The following PTPRD variants were observed in gnomAD, a reference collection of about 807,000 sequenced individuals.
PTPRD encodes protein tyrosine phosphatase receptor type D.
Under a neutral mutation model 214.5 loss-of-function variants are expected in PTPRD, and 34 were observed. The observed-to-expected ratio is 0.16, with a 90% CI of 0.12 to 0.21. PTPRD has a LOEUF of 0.21. Among genes scored for constraint, PTPRD ranks in the 10% least tolerant of loss-of-function variants. The pLI, the probability that PTPRD is intolerant of heterozygous loss-of-function variation, is 1.00. For synonymous variants in PTPRD, 1,128 were observed against 845.7 expected (o/e 1.33, Z -5.79); for missense variants, 2,545 against 2,398.7 (o/e 1.06, Z -1.27).
intron 2 of PTPRD, among the ~76,000 whole-genome samples, chr9:10,503,213 A>C (rs926590225): frequency 6.7e-6 from 1 of 149,480 alleles, no homozygotes; most frequent in African/African-American, 2.5e-5. Context: ...AAAAACAAAA[A>C]AAAACACCAT....
intron 5 of PTPRD, among the ~76,000 whole-genome samples, chr9:9,843,351 A>C (rs1308765371): frequency 6.6e-6 from 1 of 150,752 alleles, no homozygotes; most frequent in Non-Finnish European, 1.5e-5. Context: ...AATGTATCAC[A>C]TTTTTTTTTA....
At chr9:10,029,583 A>T (rs1412983824) in intron 4 of PTPRD, among the ~76,000 whole-genome samples, 1 of 152,194 alleles carries the variant, frequency 6.6e-6, no homozygotes, top group Non-Finnish European at 1.5e-5. Context: ...TTGGATTTGC[A>T]TGGGGCCTGT....
intron 3 of PTPRD, among the ~76,000 whole-genome samples, chr9:10,255,772 T>A (rs1012606818): frequency 6.6e-6 from 1 of 152,212 alleles, no homozygotes; most frequent in Non-Finnish European, 1.5e-5. Flanking sequence ...TTTTTAAATA[T>A]CCTTATTCTA....
At position 9,903,533 on chromosome 9, in the gene PTPRD, C is replaced by T. The variant is rs562777004; in HGVS notation, c.-368+34974G>A. Among the ~76,000 whole-genome samples the T allele has an allele frequency of 2.6e-5, 4 of 152,118 alleles. No individual in the cohort carries two copies. The South Asian group carries it at 8.3e-4, about 32-fold the overall frequency. On this transcript the variant is annotated intron_variant, in intron 5 of 45. Coordinates refer to ENST00000381196, the MANE Select transcript of PTPRD (RefSeq NM_002839.4). ...CTCATGAAACAGATTAGTTCTGTAT[C>T]ACTTACTTTACATTTCCAGCATAGT... is the stretch of plus-strand genomic sequence containing the variant.
At chr9:8,544,043 T>G (rs544113121) in intron 14 of PTPRD, among the ~76,000 whole-genome samples, 1 of 152,168 alleles carries the variant, frequency 6.6e-6, no homozygotes, top group African/African-American at 2.4e-5. Context: ...TTTTCATGGA[T>G]ATCATAGCCC....
At chr9:9,125,826 T>A (rs959697970) in intron 10 of PTPRD, among the ~76,000 whole-genome samples, 3 of 152,116 alleles carry the variant, frequency 2.0e-5, no homozygotes, top group Non-Finnish European at 4.4e-5. Context: ...AAGAGTATCA[T>A]CAAATAAAGA....
Position 10,092,827 on chromosome 9 carries a change from A to G in PTPRD, c.-544-59037T>C, listed in dbSNP as rs942635274. Among the ~76,000 whole-genome samples the G allele has an allele frequency of 4.0e-5, 6 of 151,640 alleles. No individual in the cohort carries two copies. The East Asian group carries it at 1.2e-3, about 30-fold the overall frequency. On this transcript the variant is annotated intron_variant, in intron 3 of 45. Transcript: ENST00000381196. Reference sequence around the variant, plus strand: ...ACCTACAACCACCTGATCTGCAACAAAGTTGACAAAATAAGCAATGGGAAA... The same window carrying G: ...ACCTACAACCACCTGATCTGCAACAGAGTTGACAAAATAAGCAATGGGAAA...
At chr9:10,224,493 G>C (rs901294692) in intron 3 of PTPRD, among the ~76,000 whole-genome samples, 1 of 151,920 alleles carries the variant, frequency 6.6e-6, no homozygotes, top group African/African-American at 2.4e-5. Flanking sequence ...CTTTACAGTA[G>C]TGCTTATTTA....
chr9:9,106,945 T>G (rs1254808077), intron 10 of PTPRD, among the ~76,000 whole-genome samples: 1 of 152,172 alleles, frequency 6.6e-6, no homozygotes, highest in Non-Finnish European at 1.5e-5. Flanking sequence ...TTGGCCTAAT[T>G]GGGAGAACAG....
intron 3 of PTPRD, among the ~76,000 whole-genome samples, chr9:10,136,209 C>G (rs2098942185): frequency 6.6e-6 from 1 of 151,928 alleles, no homozygotes; most frequent in Non-Finnish European, 1.5e-5. Flanking sequence ...ATATGCAATG[C>G]AACATTGGCA....
chr9:10,532,075 T>G (rs1295271492), intron 2 of PTPRD: 1 of 152,156 alleles, frequency 6.6e-6, no homozygotes, highest in East Asian at 1.9e-4. Context: ...AAACAAGCAT[T>G]AATTTAAATT....
At chr9:8,918,504 TAAC>T (rs1474806375) in intron 11 of PTPRD, among the ~76,000 whole-genome samples, 1 of 152,050 alleles carries the variant, frequency 6.6e-6, no homozygotes, top group Non-Finnish European at 1.5e-5. Flanking sequence ...TCAGACCAAA[TAAC>T]AGCCTCATCT....
At chr9:9,819,929 T>C (rs191879652) in intron 5 of PTPRD, among the ~76,000 whole-genome samples, 1 of 152,324 alleles carries the variant, frequency 6.6e-6, no homozygotes, top group East Asian at 1.9e-4. Context: ...ATATCTTTGC[T>C]ATTGTGAATA....
At chr9:8,439,516 T>G (rs2095471307) in intron 34 of PTPRD, among the ~76,000 whole-genome samples, 1 of 152,178 alleles carries the variant, frequency 6.6e-6, no homozygotes, top group Non-Finnish European at 1.5e-5. Flanking sequence ...TTTGAACTAT[T>G]TAAGTTTGTT....
At chr9:9,035,487 G>T (rs750270363) in intron 10 of PTPRD, among the ~76,000 whole-genome samples, 7 of 152,010 alleles carry the variant, frequency 4.6e-5, no homozygotes, top group Non-Finnish European at 7.4e-5. Context: ...GAAGGCAGGA[G>T]CCTAACATCA....
At chr9:8,727,210 T>A (rs1598122821) in intron 12 of PTPRD, among the ~76,000 whole-genome samples, 1 of 152,322 alleles carries the variant, frequency 6.6e-6, no homozygotes, top group South Asian at 2.1e-4. Flanking sequence ...AGGTCACACT[T>A]TGGAATTGTT....
chr9:8,345,027 T>C (rs1477605218), intron 39 of PTPRD, among the ~76,000 whole-genome samples: 2 of 70,850 alleles, frequency 2.8e-5, no homozygotes, highest in Non-Finnish European at 9.7e-5. Context: ...TATGACAGAA[T>C]TACTTTAGAA....
intron 3 of PTPRD, among the ~76,000 whole-genome samples, chr9:10,061,122 A>G (rs535012807): frequency 6.6e-6 from 1 of 151,910 alleles, no homozygotes; most frequent in Non-Finnish European, 1.5e-5. Context: ...GGTATGATAT[A>G]TTCCTTTTGA....
At chr9:9,311,122 A>C (rs1958865483) in intron 9 of PTPRD, among the ~76,000 whole-genome samples, 1 of 152,080 alleles carries the variant, frequency 6.6e-6, no homozygotes, top group Admixed American at 6.6e-5. Context: ...AAACGCCAGC[A>C]ATTACTAGAA....
Sources: allele counts gnomAD v4.1 joint callset (sites outside exome capture counted in the v4.1 genomes callset), GRCh38; gene constraint gnomAD v4.1.1; transcripts MANE v1.5; gene names NCBI Gene and HGNC (gene_info 2026-07-23, HGNC 2026-07-21).